Variants in SLC4A10 observed in about 807,000 individuals in gnomAD.
SLC4A10 encodes the protein solute carrier family 4 member 10.
A neutral mutation model predicts 137.7 loss-of-function variants in SLC4A10; 42 were observed. The observed-to-expected ratio is 0.30, with a 90% CI of 0.24 to 0.39. The LOEUF is 0.39. Among genes scored for constraint, SLC4A10 ranks in the 10% least tolerant of loss-of-function variants. The pLI is 1.00. For synonymous variants in SLC4A10, 474 were observed against 464.1 expected, an observed-to-expected ratio of 1.02 and a Z score of -0.27; for missense variants, 925 against 1,355.0, an observed-to-expected ratio of 0.68 and a Z score of 4.98.
chr2:161,745,805 A>G (rs1405586661), intron 1 of SLC4A10, among the ~76,000 whole-genome samples: 1 of 152,178 alleles, frequency 6.6e-6, no homozygotes, highest in Non-Finnish European at 1.5e-5. Flanking sequence ...CAAGCTTGGT[A>G]ACACGGTGGC....
At chr2:161,792,086 T>C (rs1386858473) in intron 2 of SLC4A10, among the ~76,000 whole-genome samples, 1 of 152,154 alleles carries the variant, frequency 6.6e-6, no homozygotes, top group Non-Finnish European at 1.5e-5. Context: ...TATGAGTTTC[T>C]ACTTATCAAA....
intron 3 of SLC4A10, among the ~76,000 whole-genome samples, chr2:161,816,413 C>T (rs1231498790): frequency 6.6e-6 from 1 of 151,942 alleles, no homozygotes. Context: ...ATCATTAGGG[C>T]CCAAATTATG....
At chr2:161,897,942 T>G (rs2063686948) in intron 11 of SLC4A10, among the ~76,000 whole-genome samples, 1 of 152,158 alleles carries the variant, frequency 6.6e-6, no homozygotes, top group African/African-American at 2.4e-5. Flanking sequence ...AAAACACCTT[T>G]GTGAACAATA....
chr2:161,673,742 C>A (rs1251921116), intron 1 of SLC4A10, among the ~76,000 whole-genome samples: 5 of 152,152 alleles, frequency 3.3e-5, no homozygotes, highest in Admixed American at 6.5e-5. Flanking sequence ...GTAGTTCCAG[C>A]ACTTTGGGAG....
intron 21 of SLC4A10, among the ~76,000 whole-genome samples, chr2:161,961,327 A>G (rs1444471747): frequency 6.6e-6 from 1 of 152,210 alleles, no homozygotes; most frequent in Non-Finnish European, 1.5e-5. Context: ...CGGAACACCC[A>G]AAGTTGATAG....
intron 1 of SLC4A10, among the ~76,000 whole-genome samples, chr2:161,753,467 G>A (rs1223235380): frequency 2.6e-5 from 4 of 152,142 alleles, no homozygotes; most frequent in Non-Finnish European, 4.4e-5. Context: ...GCAGATCAAA[G>A]TTCAAATTCT....
chr2:161,876,565 C>T (rs924693801), intron 8 of SLC4A10, among the ~76,000 whole-genome samples: 5 of 152,116 alleles, frequency 3.3e-5, no homozygotes, highest in Non-Finnish European at 5.9e-5. Context: ...GTAGTCCCAG[C>T]TACTCAGAAG....
At chr2:161,768,546 A>G (rs2051178586) in intron 1 of SLC4A10, among the ~76,000 whole-genome samples, 1 of 151,976 alleles carries the variant, frequency 6.6e-6, no homozygotes, top group Admixed American at 6.6e-5. Flanking sequence ...AAATTGGCTC[A>G]AGTACGGACA....
At chr2:161,636,052 T>C (rs1299737889) in intron 1 of SLC4A10, among the ~76,000 whole-genome samples, 3 of 152,192 alleles carry the variant, frequency 2.0e-5, no homozygotes, top group Non-Finnish European at 2.9e-5. Flanking sequence ...TGTGTTGCTC[T>C]GATATGGGCT....
chr2:161,658,596 C>CTTTTTT (rs35686377), intron 1 of SLC4A10, among the ~76,000 whole-genome samples: 3 of 128,386 alleles, frequency 2.3e-5, no homozygotes, highest in Non-Finnish European at 3.2e-5. Context: ...AAATAGTTTC[C>CTTTTTT]TTTTTTTTTT....
At chr2:161,629,447 G>T (rs560841516) in intron 1 of SLC4A10, among the ~76,000 whole-genome samples, 2 of 151,546 alleles carry the variant, frequency 1.3e-5, no homozygotes, top group South Asian at 4.2e-4. Context: ...GCAATATTAA[G>T]CAGAAGGTAC....
intron 1 of SLC4A10, among the ~76,000 whole-genome samples, chr2:161,752,201 C>T (rs971443826): frequency 6.6e-6 from 1 of 151,960 alleles, no homozygotes; most frequent in African/African-American, 2.4e-5. Context: ...GTAGGTTTTA[C>T]ATGTACCTTC....
At chr2:161,747,446 C>T (rs1015668578) in intron 1 of SLC4A10, among the ~76,000 whole-genome samples, 6 of 152,148 alleles carry the variant, frequency 3.9e-5, no homozygotes, top group African/African-American at 1.4e-4. Context: ...GTTTTGTCAG[C>T]AATTCAAGAC....
intron 1 of SLC4A10, among the ~76,000 whole-genome samples, chr2:161,662,177 A>G (rs550633436): frequency 2.0e-4 from 31 of 152,166 alleles, no homozygotes; most frequent in Non-Finnish European, 4.1e-4. Context: ...ACTTCTGGTT[A>G]GATTGTATCT....
rs567359703 is a variant in SLC4A10 at position 161,717,461 on chromosome 2, G to A, written c.49-53512G>A. On this transcript the variant is annotated intron_variant, in intron 1 of 26. Transcript: ENST00000446997. ...AATGGCTTTTATTATTTTGAGGTAT[G>A]TTCCTTCAAACCTAGTTTATTTAGA... Among the ~76,000 whole-genome samples the A allele has an allele frequency of 2.1e-3, 316 of 152,194 alleles. 1 individual carries two copies. Among genetic ancestry groups the A allele is most frequent in the African/African-American group, 7.1e-3 (296 of 41,552 alleles).
intron 1 of SLC4A10, among the ~76,000 whole-genome samples, chr2:161,703,540 G>C (rs1200611979): frequency 6.6e-6 from 1 of 151,412 alleles, no homozygotes; most frequent in Non-Finnish European, 1.5e-5. Flanking sequence ...GTTTTCTTCT[G>C]TTTGTATAGA....
At chr2:161,766,986 G>A (rs1410010877) in intron 1 of SLC4A10, among the ~76,000 whole-genome samples, 1 of 150,082 alleles carries the variant, frequency 6.7e-6, no homozygotes, top group African/African-American at 2.4e-5. Flanking sequence ...GCACAGGAGA[G>A]CTGACCTCCT....
intron 1 of SLC4A10, among the ~76,000 whole-genome samples, chr2:161,693,819 T>G (rs540973865): frequency 1.1e-4 from 17 of 151,884 alleles, no homozygotes; most frequent in Non-Finnish European, 1.6e-4. Context: ...TTTTTATGGC[T>G]AAAAAATATC....
intron 15 of SLC4A10, among the ~76,000 whole-genome samples, chr2:161,927,897 A>G (rs1197262259): frequency 6.6e-6 from 1 of 152,102 alleles, no homozygotes; most frequent in Non-Finnish European, 1.5e-5. Context: ...GATGTGGAGA[A>G]ATAGAAACAC....
Sources: gnomAD v4.1 joint callset for allele counts (sites outside exome capture counted in the v4.1 genomes callset) on GRCh38, gnomAD v4.1.1 for gene constraint, MANE v1.5 for transcripts, NCBI Gene and HGNC (gene_info 2026-07-23, HGNC 2026-07-21) for gene names.